Variants in CSTF3 observed in about 807,000 individuals in gnomAD.
The protein encoded by CSTF3 is cleavage stimulation factor subunit 3.
A neutral mutation model predicts 105.8 loss-of-function variants in CSTF3; 29 were observed. The observed-to-expected ratio is 0.27, with a 90% CI of 0.20 to 0.37. The LOEUF is 0.37. CSTF3 is among the 10% of genes least tolerant of loss of function. CSTF3 has a pLI of 1.00. For missense variants in CSTF3, 357 were observed against 879.3 expected, an observed-to-expected ratio of 0.41 and a Z score of 7.51; for synonymous variants, 252 against 281.9, an observed-to-expected ratio of 0.89 and a Z score of 1.06.
At chr11:33,111,581 G>C (rs1855379488) in intron 3 of CSTF3, among the ~76,000 whole-genome samples, 2 of 152,148 alleles carry the variant, frequency 1.3e-5, no homozygotes, top group South Asian at 4.1e-4. Context: ...GGTGATACGG[G>C]TGGATGCAAA....
At position 33,087,132 on chromosome 11, in the gene CSTF3, G is replaced by A. The variant is rs1315598913; in HGVS notation, c.1651C>T (p.Arg551Cys). ...GGAATTATAGCTGCTAGCTTAGCAC[G>A]GGAGACATCCTGAAAATGCAGAACA... ...LKALGYKDVS[R>C]AKLAAIIPDP... Residue 551 changes from arginine (R) to cysteine (C), a missense_variant, in exon 18 of 21, where the codon CGT becomes TGT. Physicochemically the swap from Arg to Cys is radical, Grantham distance 180 (BLOSUM62 -3). Around this residue, in one of 4 missense-constraint regions of CSTF3, gnomAD observed 206 missense variants for 576.5 expected, o/e 0.36. Coordinates refer to ENST00000323959, the MANE Select transcript of CSTF3 (RefSeq NM_001326.3). 1.2e-6 allele frequency: 2 copies of A among 1,613,986 alleles called. No homozygotes were observed. Among genetic ancestry groups the A allele is most frequent in the South Asian group, 1.1e-5 (1 of 91,068 alleles).
At chr11:33,124,868 C>T (rs422493) in intron 3 of CSTF3, among the ~76,000 whole-genome samples, 84,562 of 151,998 alleles carry the variant, frequency 0.56, 26,118 homozygotes, top group Non-Finnish European at 0.69. Context: ...GCTTCCCTTG[C>T]TGCTGTGAAG....
At chr11:33,159,491 G>A (rs1455568302) in intron 1 of CSTF3, among the ~76,000 whole-genome samples, 1 of 151,530 alleles carries the variant, frequency 6.6e-6, no homozygotes, top group Non-Finnish European at 1.5e-5. Context: ...CAGCTACTGG[G>A]GTGGCTGAGG....
At chr11:33,085,610 G>T (rs1243803882) in intron 20 of CSTF3, 103 bp downstream of exon 20, 1 of 1,040,684 alleles carries the variant, frequency 9.6e-7, no homozygotes, top group Non-Finnish European at 1.5e-6. Context: ...CTTCAAATTG[G>T]CTGGCTGGTT....
intron 15 of CSTF3, 143 bp from the exon 16 acceptor site, chr11:33,092,483 G>A: frequency 1.9e-6 from 1 of 520,626 alleles, no homozygotes; most frequent in Non-Finnish European, 3.3e-6. Context: ...TTATAGATGA[G>A]GAAACTTGAG....
intron 3 of CSTF3, among the ~76,000 whole-genome samples, chr11:33,113,344 G>A (rs1367515367): frequency 6.6e-6 from 1 of 152,036 alleles, no homozygotes; most frequent in African/African-American, 2.4e-5. Flanking sequence ...TTCAATGACA[G>A]AGGCTCTTAA....
At chr11:33,131,081 CA>C (rs1420394699) in intron 3 of CSTF3, among the ~76,000 whole-genome samples, 1 of 152,130 alleles carries the variant, frequency 6.6e-6, no homozygotes, top group Non-Finnish European at 1.5e-5. Context: ...TCCAAAATTA[CA>C]AAGATTTGCC....
intron 3 of CSTF3, among the ~76,000 whole-genome samples, chr11:33,127,065 G>A (rs1013415982): frequency 6.6e-6 from 1 of 152,168 alleles, no homozygotes; most frequent in African/African-American, 2.4e-5. Flanking sequence ...ACAGATAAAA[G>A]AGCTAATGTA....
chr11:33,155,056 T>TAA (rs1001320127), intron 1 of CSTF3, among the ~76,000 whole-genome samples: 4 of 144,874 alleles, frequency 2.8e-5, no homozygotes, highest in South Asian at 2.2e-4. Context: ...CTCAAAAACT[T>TAA]AAAAAAAAAA....
At chr11:33,130,045 T>G (rs1334375725) in intron 3 of CSTF3, among the ~76,000 whole-genome samples, 2 of 152,226 alleles carry the variant, frequency 1.3e-5, no homozygotes, top group East Asian at 3.8e-4. Context: ...AGATTTAGTT[T>G]TAATAAATCA....
chr11:33,140,494 C>T (rs11032160), intron 3 of CSTF3, among the ~76,000 whole-genome samples: 18,849 of 151,946 alleles, frequency 0.12, 2,960 homozygotes, highest in African/African-American at 0.37. Context: ...AATTTCCCTC[C>T]CCACCAAGTA....
Position 33,107,903 on chromosome 11 carries a change from T to C in CSTF3, c.356A>G (p.Lys119Arg). 2 of 1,587,574 alleles carry C rather than the reference T, an allele frequency of 1.3e-6. No individual in the cohort carries two copies. Among genetic ancestry groups the C allele is most frequent in the Non-Finnish European group, 1.7e-6 (2 of 1,159,142 alleles). Reference protein sequence around the residue: ...RETKGKLPSYKEKMAQAYDFA... With the variant: ...RETKGKLPSYREKMAQAYDFA... ...TTCTTAAGATCCTGGTTTCACTTAC[T>C]TGTAACTTGGTAGTTTACCCTTGGT... The change falls in exon 5 of 21, where the codon AAA becomes AGA. Residue 119 changes from lysine to arginine, a missense_variant and splice_region_variant. Coordinates refer to ENST00000323959, the MANE Select transcript of CSTF3 (RefSeq NM_001326.3).
At chr11:33,103,056 TA>T in intron 9 of CSTF3, 50 bp downstream of exon 9, 3 of 1,207,346 alleles carry the variant, frequency 2.5e-6, no homozygotes, top group Non-Finnish European at 3.5e-6. Flanking sequence ...AGCTCTGCTG[TA>T]AACAACAGAC....
At chr11:33,145,518 T>A (rs1855770497) in intron 1 of CSTF3, among the ~76,000 whole-genome samples, 1 of 152,058 alleles carries the variant, frequency 6.6e-6, no homozygotes, top group Non-Finnish European at 1.5e-5. Context: ...TCAAAAGAAA[T>A]GCAAATATTG....
chr11:33,085,355 G>A, intron 20 of CSTF3, 66 bp from the exon 21 acceptor site: 1 of 989,868 alleles, frequency 1.0e-6, no homozygotes, highest in Admixed American at 3.7e-5. Context: ...ATGTTCAACT[G>A]TGGATACTTT....
At chr11:33,154,528 ACT>A (rs959970499) in intron 1 of CSTF3, among the ~76,000 whole-genome samples, 1 of 115,726 alleles carries the variant, frequency 8.6e-6, no homozygotes, top group Non-Finnish European at 1.6e-5. Context: ...ATGAAGTCTC[ACT>A]CTGTCACCTA....
At chr11:33,131,341 C>T (rs1245064249) in intron 3 of CSTF3, among the ~76,000 whole-genome samples, 1 of 151,958 alleles carries the variant, frequency 6.6e-6, no homozygotes, top group Non-Finnish European at 1.5e-5. Context: ...TTCAAATGCC[C>T]ACCAAAATAT....
rs192870893 is a variant in CSTF3, at chr11:33,087,149, T to A, written c.1642-8A>T. 1 of 1,613,778 alleles carries A rather than the reference T, an allele frequency of 6.2e-7. No individual in the cohort carries two copies. Among genetic ancestry groups the A allele is most frequent in the African/African-American group, 1.3e-5 (1 of 74,978 alleles). ...CTTAGCACGGGAGACATCCTGAAAA[T>A]GCAGAACAGAAGAATCCTAAACCTG... On this transcript the variant is annotated splice_polypyrimidine_tract_variant and splice_region_variant and intron_variant, in intron 17 of 20. Transcript: ENST00000323959.
chr11:33,148,703 A>G (rs924841430), intron 1 of CSTF3, among the ~76,000 whole-genome samples: 2 of 151,898 alleles, frequency 1.3e-5, no homozygotes, highest in African/African-American at 4.8e-5. Flanking sequence ...TCAAAAAAAA[A>G]AAAAACTATG....
Sources: gnomAD v4.1 joint callset for allele counts (sites outside exome capture counted in the v4.1 genomes callset) on GRCh38, gnomAD v4.1.1 for gene constraint, gnomAD v4.1.1 regional missense constraint, MANE v1.5 for transcripts, NCBI Gene and HGNC (gene_info 2026-07-23, HGNC 2026-07-21) for gene names.